Variants in EYS observed in about 807,000 individuals in gnomAD.
EYS encodes the protein EGF-like photoreceptor maintenance factor.
A neutral mutation model predicts 282.1 loss-of-function variants in EYS; 250 were observed. The observed-to-expected ratio is 0.89, with a 90% CI of 0.80 to 0.98. The LOEUF (loss-of-function observed/expected upper bound fraction) is 0.98. Ranked by LOEUF, EYS falls within the 50% of genes least tolerant of loss-of-function variation. The pLI is 0.00. For missense variants in EYS, 4,016 were observed against 3,709.0 expected (o/e 1.08, Z -2.15); for synonymous variants, 1,355 against 1,282.9 (o/e 1.06, Z -1.20).
chr6:64,311,043 GT>G (rs1309284204), intron 29 of EYS, among the ~76,000 whole-genome samples: 2 of 151,668 alleles, frequency 1.3e-5, no homozygotes, highest in African/African-American at 2.4e-5. Flanking sequence ...AATGTATTTA[GT>G]TTTTTAAATA....
At chr6:65,150,505 A>G (rs991746725) in intron 12 of EYS, among the ~76,000 whole-genome samples, 1 of 151,990 alleles carries the variant, frequency 6.6e-6, no homozygotes, top group African/African-American at 2.4e-5. Context: ...TATTAACCCC[A>G]GAATACCAGT....
chr6:64,686,783 ATATATGTGTGTATATATATATGTGTG>A (rs1562133775), intron 22 of EYS, among the ~76,000 whole-genome samples: 6 of 19,810 alleles, frequency 3.0e-4, no homozygotes, highest in Admixed American at 1.1e-3. Context: ...ATATATATAT[ATATATGTGTGTATATATATATGTGTG>A]TATATATATA....
At chr6:65,145,741 C>T (rs1222337754) in intron 12 of EYS, among the ~76,000 whole-genome samples, 2 of 151,886 alleles carry the variant, frequency 1.3e-5, no homozygotes, top group African/African-American at 2.4e-5. Context: ...ATTGCTTCCT[C>T]GTTCTTGCCA....
At chr6:65,034,015 T>G (rs1193141323) in intron 13 of EYS, among the ~76,000 whole-genome samples, 2 of 152,160 alleles carry the variant, frequency 1.3e-5, no homozygotes, top group Non-Finnish European at 2.9e-5. Flanking sequence ...CTGCCCTAGA[T>G]GCAGGATATG....
intron 22 of EYS, among the ~76,000 whole-genome samples, chr6:64,795,886 A>C (rs1774340617): frequency 6.6e-6 from 1 of 152,190 alleles, no homozygotes; most frequent in Non-Finnish European, 1.5e-5. Flanking sequence ...CCAGATGTGT[A>C]CTGAGGGTTT....
At chr6:64,607,198 T>C (rs1483230766) in intron 24 of EYS, among the ~76,000 whole-genome samples, 2 of 152,004 alleles carry the variant, frequency 1.3e-5, no homozygotes, top group Non-Finnish European at 1.5e-5. Context: ...CTTGCCAGAA[T>C]TTAATTATTT....
chr6:64,627,375 G>A (rs116471074), intron 22 of EYS, among the ~76,000 whole-genome samples: 224 of 152,296 alleles, frequency 1.5e-3, no homozygotes, highest in African/African-American at 5.1e-3. Context: ...AAGTAGTTTT[G>A]AAGGCTGAAA....
At chr6:63,980,792 A>C (rs549252298) in intron 35 of EYS, among the ~76,000 whole-genome samples, 1 of 151,826 alleles carries the variant, frequency 6.6e-6, no homozygotes, top group Non-Finnish European at 1.5e-5. Flanking sequence ...GGACTGAGGG[A>C]AAAAAACAGA....
intron 39 of EYS, among the ~76,000 whole-genome samples, chr6:63,781,663 G>T (rs1582201502): frequency 6.6e-6 from 1 of 152,144 alleles, no homozygotes; most frequent in African/African-American, 2.4e-5. Context: ...AGACAATGGG[G>T]TTTTCTAAAT....
intron 2 of EYS, among the ~76,000 whole-genome samples, chr6:65,615,570 T>C (rs898411431): frequency 6.6e-6 from 1 of 152,080 alleles, no homozygotes; most frequent in African/African-American, 2.4e-5. Flanking sequence ...CAGATATATA[T>C]ATTTGATTTT....
intron 19 of EYS, among the ~76,000 whole-genome samples, chr6:64,824,654 A>G (rs544883802): frequency 7.9e-5 from 12 of 152,006 alleles, no homozygotes; most frequent in Non-Finnish European, 1.6e-4. Flanking sequence ...TCAATTTATA[A>G]CAAAAGTGTG....
At chr6:65,361,868 G>T (rs1764722947) in intron 8 of EYS, among the ~76,000 whole-genome samples, 1 of 151,994 alleles carries the variant, frequency 6.6e-6, no homozygotes, top group Non-Finnish European at 1.5e-5. Context: ...AACAACTAAA[G>T]CCTCTTATTT....
At chr6:65,692,004 G>A (rs1769261179) in intron 1 of EYS, among the ~76,000 whole-genome samples, 2 of 150,028 alleles carry the variant, frequency 1.3e-5, no homozygotes, top group Non-Finnish European at 3.0e-5. Flanking sequence ...CTCACAATAG[G>A]AGATATGAAA....
chr6:63,798,987 GTATA>G (rs56290982), intron 37 of EYS, among the ~76,000 whole-genome samples: 870 of 85,750 alleles, frequency 0.01, 11 homozygotes, highest in Middle Eastern at 0.017. Context: ...GTATATGTGT[GTATA>G]TATATATATA....
intron 31 of EYS, among the ~76,000 whole-genome samples, chr6:64,099,198 T>C (rs1283226638): frequency 6.6e-6 from 1 of 152,132 alleles, no homozygotes; most frequent in African/African-American, 2.4e-5. Context: ...TGCCCATTTT[T>C]CCCCCTTTGG....
chr6:64,216,477 C>T (rs977352169), intron 31 of EYS, among the ~76,000 whole-genome samples: 2 of 152,172 alleles, frequency 1.3e-5, no homozygotes, highest in Admixed American at 1.3e-4. Context: ...GGATACTCTA[C>T]TGTTGAATTC....
chr6:64,405,468 G>C (rs1424569084), intron 28 of EYS, among the ~76,000 whole-genome samples: 1 of 152,140 alleles, frequency 6.6e-6, no homozygotes, highest in Non-Finnish European at 1.5e-5. Flanking sequence ...AGTATTAGAA[G>C]TTCTGGCCCG....
chr6:65,509,022 T>C (rs1371559717), intron 2 of EYS, among the ~76,000 whole-genome samples: 1 of 152,120 alleles, frequency 6.6e-6, no homozygotes, highest in Non-Finnish European at 1.5e-5. Context: ...ATCACATGAA[T>C]ACATAAAGTG....
intron 31 of EYS, among the ~76,000 whole-genome samples, chr6:64,097,950 A>G (rs1465588330): frequency 1.3e-5 from 2 of 152,228 alleles, no homozygotes; most frequent in African/African-American, 4.8e-5. Context: ...ATACTAGGAA[A>G]ATACAAATTT....
Sources: gnomAD v4.1 joint callset for allele counts (sites outside exome capture counted in the v4.1 genomes callset) on GRCh38, gnomAD v4.1.1 for gene constraint, MANE v1.5 for transcripts, NCBI Gene and HGNC (gene_info 2026-07-23, HGNC 2026-07-21) for gene names.